The following BBX variants were observed in gnomAD, a reference collection of about 807,000 sequenced individuals.
BBX encodes HMG box transcription factor BBX.
A neutral mutation model predicts 100.2 loss-of-function variants in BBX; 30 were observed. The ratio of observed to expected loss-of-function variants is 0.30; its 90% CI spans 0.22 to 0.41. The LOEUF (loss-of-function observed/expected upper bound fraction) is 0.41, where lower values mean the gene tolerates loss of function less well. Among genes scored for constraint, BBX ranks in the 10% least tolerant of loss-of-function variants. The probability of loss-of-function intolerance (pLI) is 1.00; values close to 1 mark genes in which losing one functional copy is unlikely to be tolerated. For missense variants in BBX, 1,023 were observed against 1,129.8 expected, an observed-to-expected ratio of 0.91 and a Z score of 1.35; for synonymous variants, 376 against 388.1, an observed-to-expected ratio of 0.97 and a Z score of 0.37.
intron 3 of BBX, among the ~76,000 whole-genome samples, chr3:107,659,055 T>G (rs2107845501): frequency 6.6e-6 from 1 of 152,218 alleles, no homozygotes; most frequent in East Asian, 1.9e-4. Flanking sequence ...AGATCACTAC[T>G]TTCCATTTGT....
chr3:107,773,697 C>G lies in BBX; in HGVS notation c.1915+61C>G. Reference sequence around the variant, plus strand: ...AACCAAACAGAATTTCACCTTTAGACCTATTGAAAACAACTGCCATAAAAA... The same window carrying G: ...AACCAAACAGAATTTCACCTTTAGAGCTATTGAAAACAACTGCCATAAAAA... On this transcript the variant is annotated intron_variant, in intron 11 of 17. Transcript: ENST00000325805. This position sits in a 1 kb window ranked among gnomAD's most constrained non-coding sequence, Gnocchi z 4.1. 9 of 1,461,332 alleles carry G rather than the reference C, an allele frequency of 6.2e-6. No homozygotes were observed. The highest frequency in any genetic ancestry group is 8.3e-6 in the Non-Finnish European group (9 of 1,090,068). The allele number at this position is 1,461,332 out of a possible 1,614,324, so 90.5% of individuals were successfully genotyped here.
At chr3:107,734,886 G>T (rs1055508536) in intron 7 of BBX, among the ~76,000 whole-genome samples, 2 of 152,114 alleles carry the variant, frequency 1.3e-5, no homozygotes, top group Non-Finnish European at 2.9e-5. Flanking sequence ...CTCTGAAGTG[G>T]AAATGTTTTG....
rs1465149838 is a variant in BBX at position 107,807,571 on chromosome 3, C to T, written c.*2114C>T. 6.6e-6 allele frequency: 1 copy of T among 152,162 alleles called. No homozygotes were observed. Among genetic ancestry groups the T allele is most frequent in the East Asian group, 1.9e-4 (1 of 5,176 alleles). 9.4% of individuals were successfully genotyped at this position (152,162 alleles called of 1,614,324 possible). On this transcript the variant is annotated 3_prime_UTR_variant, in exon 18 of 18. Transcript: ENST00000325805. Reference sequence around the variant, plus strand: ...AAATTGTATGGTGCGGAACATGCACCTTGACAATGGTACTAACTTGTTATT... The same window carrying T: ...AAATTGTATGGTGCGGAACATGCACTTTGACAATGGTACTAACTTGTTATT...
intron 5 of BBX, among the ~76,000 whole-genome samples, chr3:107,726,637 A>G (rs2062964612): frequency 6.6e-6 from 1 of 152,016 alleles, no homozygotes; most frequent in Non-Finnish European, 1.5e-5. Context: ...TACTCCACTC[A>G]TATAGGTAGT....
At chr3:107,645,355 G>A (rs563709160) in intron 2 of BBX, among the ~76,000 whole-genome samples, 328 of 151,918 alleles carry the variant, frequency 2.2e-3, no homozygotes, top group Admixed American at 7.9e-3. Flanking sequence ...TTGTTTGTTC[G>A]TTTTTACTAT....
intron 16 of BBX, among the ~76,000 whole-genome samples, chr3:107,799,776 G>A (rs2070216160): frequency 6.6e-6 from 1 of 152,104 alleles, no homozygotes; most frequent in African/African-American, 2.4e-5. Flanking sequence ...TTCAATCATG[G>A]CCTGTTGTCT....
chr3:107,794,088 C>T (rs2069342348), intron 15 of BBX, among the ~76,000 whole-genome samples: 2 of 152,090 alleles, frequency 1.3e-5, no homozygotes, highest in African/African-American at 4.8e-5. Context: ...TATCTTTCCA[C>T]CTAGTTATGG....
chr3:107,617,203 T>C (rs1383717705), intron 2 of BBX, among the ~76,000 whole-genome samples: 1 of 152,112 alleles, frequency 6.6e-6, no homozygotes, highest in Non-Finnish European at 1.5e-5. Flanking sequence ...CAGGCATATT[T>C]GGTGGGTTTC....
intron 4 of BBX, among the ~76,000 whole-genome samples, chr3:107,712,113 G>A (rs1444074196): frequency 1.3e-5 from 2 of 152,130 alleles, no homozygotes; most frequent in African/African-American, 2.4e-5. Context: ...ATGGCTTCAA[G>A]CAATCCTCCC....
chr3:107,718,083 T>A (rs2062233973), intron 5 of BBX, among the ~76,000 whole-genome samples: 1 of 151,316 alleles, frequency 6.6e-6, no homozygotes, highest in South Asian at 2.1e-4. Flanking sequence ...TTTAAAAAAA[T>A]ACCACGTAAA....
At chr3:107,715,323 G>A (rs1202077687) in intron 4 of BBX, among the ~76,000 whole-genome samples, 2 of 152,148 alleles carry the variant, frequency 1.3e-5, no homozygotes, top group East Asian at 3.8e-4. Flanking sequence ...TTTAGAACCT[G>A]TGTTTTAACA....
intron 4 of BBX, among the ~76,000 whole-genome samples, chr3:107,715,074 C>T (rs1018186203): frequency 3.3e-5 from 5 of 152,046 alleles, no homozygotes; most frequent in Admixed American, 6.6e-5. Context: ...ATGAGCCACC[C>T]GCCTGGCCAA....
chr3:107,781,459 A>G (rs572851616), intron 13 of BBX, among the ~76,000 whole-genome samples: 4 of 152,250 alleles, frequency 2.6e-5, no homozygotes, highest in Admixed American at 6.6e-5. Flanking sequence ...TCACAATGCA[A>G]TTCAGCTGAA....
At chr3:107,626,042 T>G (rs1209758094) in intron 2 of BBX, among the ~76,000 whole-genome samples, 1 of 152,196 alleles carries the variant, frequency 6.6e-6, no homozygotes, top group African/African-American at 2.4e-5. Flanking sequence ...ACATATTACA[T>G]GCTTGGCACA....
intron 7 of BBX, among the ~76,000 whole-genome samples, 192 bp downstream of exon 7, chr3:107,733,215 A>C (rs937444456): frequency 6.6e-6 from 1 of 152,176 alleles, no homozygotes; most frequent in Non-Finnish European, 1.5e-5. Flanking sequence ...AAATAAGGCC[A>C]TGAGGATGTA....
intron 5 of BBX, 77 bp from the exon 6 acceptor site, chr3:107,728,688 G>A: frequency 7.6e-7 from 1 of 1,310,928 alleles, no homozygotes; most frequent in Non-Finnish European, 1.1e-6. Flanking sequence ...TCTAAATAGG[G>A]GAATGGGGTG....
intron 2 of BBX, among the ~76,000 whole-genome samples, chr3:107,545,844 T>C (rs1285608620): frequency 6.6e-6 from 1 of 152,158 alleles, no homozygotes; most frequent in East Asian, 1.9e-4. Flanking sequence ...ATGCTGGGGC[T>C]TTCATTTGGC....
intron 2 of BBX, among the ~76,000 whole-genome samples, chr3:107,615,102 C>CA (rs2055151200): frequency 6.6e-6 from 1 of 152,076 alleles, no homozygotes; most frequent in African/African-American, 2.4e-5. Flanking sequence ...GAGGAGGGGA[C>CA]AAGTAGAGCT....
At chr3:107,701,686 TG>T (rs2061065603) in intron 3 of BBX, among the ~76,000 whole-genome samples, 1 of 152,222 alleles carries the variant, frequency 6.6e-6, no homozygotes, top group East Asian at 1.9e-4. Flanking sequence ...TGTCTTCCTG[TG>T]CTTTGAGTTC....
Sources: gnomAD v4.1 joint callset for allele counts (sites outside exome capture counted in the v4.1 genomes callset) on GRCh38, gnomAD v4.1.1 for gene constraint, Gnocchi (gnomAD v3.1) non-coding constraint, MANE v1.5 for transcripts, NCBI Gene and HGNC (gene_info 2026-07-23, HGNC 2026-07-21) for gene names.